TMEM232: variants seen among roughly 807,000 people sequenced by gnomAD.
The protein encoded by TMEM232 is transmembrane protein 232.
Under a neutral mutation model 78.8 loss-of-function variants are expected in TMEM232, and 80 were observed. The ratio of observed to expected loss-of-function variants is 1.01; its 90% CI spans 0.85 to 1.22. The LOEUF (loss-of-function observed/expected upper bound fraction) is 1.22, where lower values mean the gene tolerates loss of function less well. TMEM232 is among the 50% of genes most tolerant of loss of function. The probability of loss-of-function intolerance (pLI) is 0.00; values close to 1 mark genes in which losing one functional copy is unlikely to be tolerated. For missense variants in TMEM232, 881 were observed against 742.2 expected (o/e 1.19, Z -2.17); for synonymous variants, 297 against 254.3 (o/e 1.17, Z -1.60).
chr5:110,640,906 CT>C lies in TMEM232; in HGVS notation c.327del (p.Glu111LysfsTer7). ...WTEVIYLAQC[K>X]GEIQDESLNM... ...AAGTACGTACCATCTTGGATTTCCC[CT>C]TTGCATTGAGCCAGATATATTACTT... On this transcript the variant is annotated frameshift_variant, in exon 4 of 14. Coordinates refer to ENST00000455884, the MANE Select transcript of TMEM232 (RefSeq NM_001039763.4). LOFTEE classifies it high-confidence loss of function. 2 of 1,533,356 alleles carry C rather than the reference CT, an allele frequency of 1.3e-6. No homozygotes were observed. The highest frequency in any genetic ancestry group is 2.5e-5 in the East Asian group (1 of 40,200). 95.0% of individuals were successfully genotyped at this position (1,533,356 alleles called of 1,614,324 possible). A position where few individuals can be genotyped will look rare whatever the true frequency, so the allele number is the denominator to read the frequency against.
At chr5:110,561,400 T>C (rs1305562168) in intron 11 of TMEM232, among the ~76,000 whole-genome samples, 1 of 141,676 alleles carries the variant, frequency 7.1e-6, no homozygotes, top group Non-Finnish European at 1.5e-5. Context: ...TATGTGTGGG[T>C]ATATATATAT....
intron 10 of TMEM232, among the ~76,000 whole-genome samples, chr5:110,574,618 C>T (rs189161179): frequency 1.5e-3 from 223 of 152,156 alleles, no homozygotes; most frequent in African/African-American, 5.2e-3. Context: ...GGCAGTTAAC[C>T]AAGTGTATGT....
rs371086329 is a variant in TMEM232, at chr5:110,587,959, T to A, written c.1276+17150A>T. Among the ~76,000 whole-genome samples, 30 of 141,340 alleles carry A rather than the reference T, an allele frequency of 2.1e-4. 1 individual carries two copies. Among genetic ancestry groups the A allele is most frequent in the East Asian group, 5.9e-4 (3 of 5,062 alleles). The allele number at this position is 141,340 out of a possible 152,430, so 92.7% of individuals were successfully genotyped here. On this transcript the variant is annotated intron_variant, in intron 10 of 13. Transcript: ENST00000455884. ...CTATTGCTAACACATATATATATAT[T>A]TTTTTAAAGAGTAAAATATTTTCCA... is the stretch of plus-strand genomic sequence containing the variant.
intron 5 of TMEM232, among the ~76,000 whole-genome samples, chr5:110,637,424 T>A (rs542537685): frequency 3.3e-5 from 5 of 151,876 alleles, no homozygotes; most frequent in Non-Finnish European, 7.4e-5. Context: ...GAAATGTGGT[T>A]GTCTCCCCAA....
intron 2 of TMEM232, among the ~76,000 whole-genome samples, chr5:110,399,183 G>A (rs1755500657): frequency 6.6e-6 from 1 of 152,040 alleles, no homozygotes; most frequent in Non-Finnish European, 1.5e-5. Flanking sequence ...ACTATAAGAA[G>A]TAAACTTTTT....
chr5:110,667,106 T>G lies in TMEM232; in HGVS notation c.125+122A>C, dbSNP rs908812442. 14 of 771,604 alleles carry G rather than the reference T, an allele frequency of 1.8e-5. No individual in the cohort carries two copies. In the African/African-American group the frequency reaches 2.4e-4, roughly 13 times the overall value. 47.8% of individuals were successfully genotyped at this position (771,604 alleles called of 1,614,324 possible). A position where few individuals can be genotyped will look rare whatever the true frequency, so the allele number is the denominator to read the frequency against. The stretch of plus-strand genomic sequence containing the variant: ...ACAATAAACAAGGCTATTAAACAAA[T>G]AGTAAACTTTAAAATTTTAATCTTT... On this transcript the variant is annotated intron_variant, in intron 2 of 13. Coordinates refer to ENST00000455884, the MANE Select transcript of TMEM232 (RefSeq NM_001039763.4).
chr5:110,603,181 C>T (rs188426285), intron 10 of TMEM232, among the ~76,000 whole-genome samples: 1 of 152,026 alleles, frequency 6.6e-6, no homozygotes, highest in African/African-American at 2.4e-5. Context: ...AGGACAAATA[C>T]CTAATGCATG....
chr5:110,432,802 A>G (rs933618912), intron 12 of TMEM232, among the ~76,000 whole-genome samples: 2 of 151,632 alleles, frequency 1.3e-5, no homozygotes, highest in African/African-American at 4.8e-5. Context: ...GACCCACCAC[A>G]CTACTGGAAA....
At chr5:110,599,692 A>G (rs534476556) in intron 10 of TMEM232, among the ~76,000 whole-genome samples, 5 of 152,294 alleles carry the variant, frequency 3.3e-5, no homozygotes, top group East Asian at 1.9e-4. Flanking sequence ...CTACAAAGAG[A>G]TATAGACTCC....
At chr5:110,606,864 A>G (rs932386126) in intron 8 of TMEM232, among the ~76,000 whole-genome samples, 2 of 152,032 alleles carry the variant, frequency 1.3e-5, no homozygotes, top group Non-Finnish European at 2.9e-5. Context: ...ATAAATGTAC[A>G]TATATTTTGA....
At chr5:110,562,337 A>T (rs780170886) in intron 11 of TMEM232, among the ~76,000 whole-genome samples, 7 of 151,968 alleles carry the variant, frequency 4.6e-5, no homozygotes, top group Non-Finnish European at 8.8e-5. Context: ...TCAACCTACA[A>T]TGTTCTTTTC....
At chr5:110,700,734 A>G (rs570323766) in intron 1 of TMEM232, among the ~76,000 whole-genome samples, 1 of 151,788 alleles carries the variant, frequency 6.6e-6, no homozygotes, top group East Asian at 1.9e-4. Context: ...GGAAGTGAAG[A>G]TAGATAAATA....
At chr5:110,558,249 T>C (rs1339582081) in intron 11 of TMEM232, among the ~76,000 whole-genome samples, 1 of 152,018 alleles carries the variant, frequency 6.6e-6, no homozygotes, top group East Asian at 1.9e-4. Flanking sequence ...ATTGGGGTGG[T>C]AGCAGTGGGG....
chr5:110,646,749 A>G (rs1308544167), intron 2 of TMEM232, among the ~76,000 whole-genome samples: 2 of 151,876 alleles, frequency 1.3e-5, no homozygotes, highest in African/African-American at 4.8e-5. Context: ...TGAACAGGCA[A>G]TCTACGAATT....
At chr5:110,615,061 C>T (rs1015051351) in intron 8 of TMEM232, among the ~76,000 whole-genome samples, 7 of 151,920 alleles carry the variant, frequency 4.6e-5, no homozygotes, top group African/African-American at 1.7e-4. Flanking sequence ...TGTCTCCCAT[C>T]ACACTGTGAG....
Position 110,422,020 on chromosome 5 carries a change from C to T in TMEM232, c.1798-1264G>A, listed in dbSNP as rs1387088680. ...GCAAAACCTCCAGAATAGTCAGGCACAGGCTGAAATTCATGCCATGGTTTA... is the reference window on the plus strand; with the variant it reads ...GCAAAACCTCCAGAATAGTCAGGCATAGGCTGAAATTCATGCCATGGTTTA... On this transcript the variant is annotated intron_variant, in intron 13 of 13. Coordinates refer to ENST00000455884, the MANE Select transcript of TMEM232 (RefSeq NM_001039763.4). 2.6e-5 allele frequency among the ~76,000 whole-genome samples: 4 copies of T among 152,230 alleles called. No homozygotes were observed. The East Asian group carries it at 7.7e-4, about 29-fold the overall frequency.
chr5:110,529,154 G>A (rs1179741110), intron 11 of TMEM232, among the ~76,000 whole-genome samples: 1 of 151,972 alleles, frequency 6.6e-6, no homozygotes, highest in African/African-American at 2.4e-5. Context: ...TATTTAATAA[G>A]AAATTAAGCA....
chr5:110,485,248 C>T (rs1203929236), intron 12 of TMEM232, among the ~76,000 whole-genome samples: 2 of 152,096 alleles, frequency 1.3e-5, no homozygotes, highest in Non-Finnish European at 2.9e-5. Flanking sequence ...ACCTACTAGG[C>T]GTAAGTAACA....
intron 11 of TMEM232, among the ~76,000 whole-genome samples, chr5:110,535,694 A>C (rs952179590): frequency 1.3e-5 from 2 of 152,204 alleles, no homozygotes; most frequent in Non-Finnish European, 2.9e-5. Flanking sequence ...TGGAATTACT[A>C]AGGGAGTTAT....
Sources: allele counts gnomAD v4.1 joint callset (sites outside exome capture counted in the v4.1 genomes callset), GRCh38; gene constraint gnomAD v4.1.1; transcripts MANE v1.5; gene names NCBI Gene and HGNC (gene_info 2026-07-23, HGNC 2026-07-21).